GRM7: variants seen among roughly 807,000 people sequenced by gnomAD.
GRM7 encodes metabotropic glutamate receptor 7.
In GRM7, 35 loss-of-function variants were observed where a neutral mutation model predicts 84.5. The ratio of observed to expected loss-of-function variants is 0.41; its 90% CI spans 0.32 to 0.55. The LOEUF (loss-of-function observed/expected upper bound fraction) is 0.55. Among genes scored for constraint, GRM7 ranks in the 20% least tolerant of loss-of-function variants. The probability of loss-of-function intolerance (pLI) is 0.19; values close to 1 mark genes in which losing one functional copy is unlikely to be tolerated. For missense variants in GRM7, 1,003 were observed against 1,194.6 expected, an observed-to-expected ratio of 0.84 and a Z score of 2.36; for synonymous variants, 487 against 455.1, an observed-to-expected ratio of 1.07 and a Z score of -0.89.
At chr3:7,689,931 A>C (rs987799669) in intron 9 of GRM7, among the ~76,000 whole-genome samples, 1 of 152,068 alleles carries the variant, frequency 6.6e-6, no homozygotes, top group Non-Finnish European at 1.5e-5. Flanking sequence ...TAAGTAATAG[A>C]CTCAAAGGTG....
chr3:7,069,230 G>T (rs2124981473), intron 1 of GRM7, among the ~76,000 whole-genome samples: 1 of 152,076 alleles, frequency 6.6e-6, no homozygotes, highest in Admixed American at 6.6e-5. Flanking sequence ...AAGGAAGATT[G>T]TTCGCACTGC....
At chr3:7,246,410 A>G (rs1032455624) in intron 2 of GRM7, among the ~76,000 whole-genome samples, 5 of 152,148 alleles carry the variant, frequency 3.3e-5, no homozygotes, top group African/African-American at 1.2e-4. Flanking sequence ...AAGTTTTTAC[A>G]AGAGAGATTG....
intron 1 of GRM7, among the ~76,000 whole-genome samples, chr3:6,905,086 G>T (rs966524386): frequency 6.6e-6 from 1 of 152,110 alleles, no homozygotes; most frequent in Non-Finnish European, 1.5e-5. Flanking sequence ...AACTGCCTTA[G>T]TTGTCTGGAG....
intron 4 of GRM7, among the ~76,000 whole-genome samples, chr3:7,323,777 A>G (rs1356574409): frequency 6.6e-6 from 1 of 152,208 alleles, no homozygotes; most frequent in South Asian, 2.1e-4. Flanking sequence ...TAATGATTAC[A>G]ACAATGACAG....
chr3:6,973,455 T>A (rs976002341), intron 1 of GRM7, among the ~76,000 whole-genome samples: 1 of 152,104 alleles, frequency 6.6e-6, no homozygotes, highest in East Asian at 1.9e-4. Flanking sequence ...ACATGTAAAT[T>A]TGTATATATG....
intron 9 of GRM7, among the ~76,000 whole-genome samples, chr3:7,725,321 G>C (rs928024735): frequency 1.3e-5 from 2 of 152,156 alleles, no homozygotes; most frequent in Admixed American, 1.3e-4. Context: ...GATAGTTAGA[G>C]GGTATCACTG....
At chr3:7,695,007 G>A (rs780616336) in intron 9 of GRM7, among the ~76,000 whole-genome samples, 6 of 152,088 alleles carry the variant, frequency 3.9e-5, no homozygotes, top group Non-Finnish European at 7.4e-5. Context: ...CATGCAATAC[G>A]GCATTGAAGT....
intron 7 of GRM7, among the ~76,000 whole-genome samples, chr3:7,518,487 A>G (rs922346237): frequency 2.0e-5 from 3 of 152,210 alleles, no homozygotes; most frequent in Non-Finnish European, 4.4e-5. Context: ...CTTCCTAGGA[A>G]AAGGTTTCAT....
At chr3:7,561,286 G>A (rs1442785297) in intron 7 of GRM7, 1 of 230,460 alleles carries the variant, frequency 4.3e-6, no homozygotes, top group Non-Finnish European at 9.0e-6. Context: ...GGACCAACTG[G>A]GTCACACTTA....
intron 1 of GRM7, among the ~76,000 whole-genome samples, chr3:7,001,001 G>A (rs1351538771): frequency 1.3e-5 from 2 of 152,172 alleles, no homozygotes; most frequent in African/African-American, 2.4e-5. Flanking sequence ...ATTGCCAATT[G>A]GAGGGTTACT....
At chr3:7,131,379 T>A (rs1693593206) in intron 1 of GRM7, among the ~76,000 whole-genome samples, 1 of 152,186 alleles carries the variant, frequency 6.6e-6, no homozygotes, top group African/African-American at 2.4e-5. Flanking sequence ...GATATTCTGT[T>A]AGAGGTATTT....
intron 2 of GRM7, among the ~76,000 whole-genome samples, chr3:7,270,028 C>G (rs1698795121): frequency 6.6e-6 from 1 of 152,138 alleles, no homozygotes; most frequent in African/African-American, 2.4e-5. Flanking sequence ...GTTAATACAC[C>G]TATTGCTAGG....
chr3:7,672,522 A>G (rs1274058030), intron 8 of GRM7, among the ~76,000 whole-genome samples: 2 of 152,030 alleles, frequency 1.3e-5, no homozygotes, highest in Admixed American at 1.3e-4. Flanking sequence ...TTAATTCTCA[A>G]CTGTCACCTG....
At chr3:7,264,271 G>A (rs956121966) in intron 2 of GRM7, among the ~76,000 whole-genome samples, 2 of 152,152 alleles carry the variant, frequency 1.3e-5, no homozygotes, top group Non-Finnish European at 2.9e-5. Context: ...TCTTATGGGA[G>A]CAAGTGGAGC....
At chr3:7,313,085 C>T (rs1223131295) in intron 4 of GRM7, among the ~76,000 whole-genome samples, 2 of 151,944 alleles carry the variant, frequency 1.3e-5, no homozygotes, top group East Asian at 1.9e-4. Context: ...CCTGCCACCA[C>T]GCCCAACTAG....
chr3:6,990,880 C>T (rs1477444204), intron 1 of GRM7, among the ~76,000 whole-genome samples: 2 of 152,108 alleles, frequency 1.3e-5, no homozygotes, highest in East Asian at 3.9e-4. Context: ...TTCCTTGGAG[C>T]TTTATGTTCC....
At chr3:7,442,748 A>C (rs1193877572) in intron 5 of GRM7, among the ~76,000 whole-genome samples, 1 of 152,168 alleles carries the variant, frequency 6.6e-6, no homozygotes, top group African/African-American at 2.4e-5. Context: ...AATTAGATAC[A>C]TGGGAAGCAC....
chr3:7,298,894 T>C lies in GRM7; in HGVS notation c.878+69T>C. On this transcript the variant is annotated intron_variant, in intron 3 of 9. Transcript: ENST00000357716. Reference sequence around the variant, plus strand: ...TTAGGAGAGAGAAAGATTAGGCTGCTGGCTGAGACAGGAAAAGATAGCATA... The same window carrying C: ...TTAGGAGAGAGAAAGATTAGGCTGCCGGCTGAGACAGGAAAAGATAGCATA... 5 of 1,360,982 alleles carry C rather than the reference T, an allele frequency of 3.7e-6. No individual in the cohort carries two copies. The South Asian group carries it at 5.8e-5, about 16-fold the overall frequency. 84.3% of individuals were successfully genotyped at this position (1,360,982 alleles called of 1,614,324 possible).
chr3:7,629,226 T>G (rs62235227), intron 8 of GRM7, among the ~76,000 whole-genome samples: 1 of 151,980 alleles, frequency 6.6e-6, no homozygotes, highest in African/African-American at 2.4e-5. Flanking sequence ...CTGTAATAGA[T>G]AGTACTATAT....
Sources: gnomAD v4.1 joint callset for allele counts (sites outside exome capture counted in the v4.1 genomes callset) on GRCh38, gnomAD v4.1.1 for gene constraint, MANE v1.5 for transcripts, NCBI Gene and HGNC (gene_info 2026-07-23, HGNC 2026-07-21) for gene names.